The following SRPK2 variants were observed in gnomAD, a reference collection of about 807,000 sequenced individuals.
SRPK2 encodes SRSF protein kinase 2, also known as SFRS protein kinase 2.
Under a neutral mutation model 90.8 loss-of-function variants are expected in SRPK2, and 21 were observed. The observed-to-expected ratio is 0.23, with a 90% CI of 0.16 to 0.33. The LOEUF is 0.33. Ranked by LOEUF, SRPK2 falls within the 10% of genes least tolerant of loss-of-function variation. SRPK2 has a pLI of 1.00. For synonymous variants in SRPK2, 288 were observed against 311.1 expected, an observed-to-expected ratio of 0.93 and a Z score of 0.78; for missense variants, 620 against 869.0, an observed-to-expected ratio of 0.71 and a Z score of 3.60.
At chr7:105,304,148 T>C (rs765103598) in intron 2 of SRPK2, 45 of 152,324 alleles carry the variant, frequency 3.0e-4, no homozygotes, top group African/African-American at 9.9e-4. Flanking sequence ...CAAGAGTCAA[T>C]TGGACCCATT....
upstream of SRPK2, among the ~76,000 whole-genome samples, chr7:105,389,976 AT>A (rs1160743491): frequency 6.6e-6 from 1 of 152,214 alleles, no homozygotes; most frequent in African/African-American, 2.4e-5. Context: ...ATTCAAAAAA[AT>A]ATCAAACCCT....
intron 2 of SRPK2, among the ~76,000 whole-genome samples, chr7:105,214,924 G>A (rs561292621): frequency 5.9e-5 from 9 of 152,220 alleles, no homozygotes; most frequent in South Asian, 2.1e-4. Flanking sequence ...TGGGGGATTC[G>A]CACTTTCCAA....
At chr7:105,250,123 G>C (rs1473856178) in intron 2 of SRPK2, among the ~76,000 whole-genome samples, 1 of 152,134 alleles carries the variant, frequency 6.6e-6, no homozygotes, top group African/African-American at 2.4e-5. Flanking sequence ...CTAAGGTCAG[G>C]AGTCAAGACC....
At chr7:105,363,731 T>A (rs570480992) in intron 2 of SRPK2, among the ~76,000 whole-genome samples, 2 of 152,192 alleles carry the variant, frequency 1.3e-5, no homozygotes, top group South Asian at 4.2e-4. Flanking sequence ...CACATGCACA[T>A]GTATGTTTAT....
chr7:105,341,939 C>T (rs1019216834), intron 2 of SRPK2, among the ~76,000 whole-genome samples: 1 of 151,960 alleles, frequency 6.6e-6, no homozygotes, highest in Non-Finnish European at 1.5e-5. Context: ...TGCACTCCAG[C>T]CTGGCTGCCA....
intron 2 of SRPK2, among the ~76,000 whole-genome samples, chr7:105,243,567 G>A (rs1002770982): frequency 1.7e-4 from 26 of 149,414 alleles, no homozygotes; most frequent in African/African-American, 6.4e-4. Flanking sequence ...GGAGGTGGAG[G>A]CTGCAGTGAG....
intron 11 of SRPK2, among the ~76,000 whole-genome samples, chr7:105,138,451 AT>A (rs751151060): frequency 1.3e-5 from 2 of 152,210 alleles, no homozygotes; most frequent in Non-Finnish European, 2.9e-5. Flanking sequence ...GATCAGGAAA[AT>A]TTAAAAAGAA....
intron 6 of SRPK2, 109 bp downstream of exon 6, chr7:105,167,268 G>T: frequency 1.2e-6 from 1 of 831,910 alleles, no homozygotes. Flanking sequence ...AATGTTCCTA[G>T]AGTGTTTATG....
At chr7:105,298,507 GT>G (rs1810138564) in intron 2 of SRPK2, among the ~76,000 whole-genome samples, 1 of 152,170 alleles carries the variant, frequency 6.6e-6, no homozygotes, top group Non-Finnish European at 1.5e-5. Context: ...ATACCCAGGA[GT>G]AGGTCATATA....
chr7:105,329,758 G>A lies in SRPK2; in HGVS notation c.71+58890C>T, dbSNP rs1484787156. Among the ~76,000 whole-genome samples the A allele has an allele frequency of 5.9e-5, 9 of 152,044 alleles. 1 individual carries two copies. On this transcript the variant is annotated intron_variant, in intron 2 of 15. Coordinates refer to ENST00000393651, the MANE Select transcript of SRPK2 (RefSeq NM_182692.3). ...TCCGTGGCTTAAGAACACCCGGCAT[G>A]GTGGCTCATGCCTATAATCCCAGGA...
At chr7:105,204,650 G>C in intron 2 of SRPK2, 1 of 935,754 alleles carries the variant, frequency 1.1e-6, no homozygotes, top group South Asian at 1.4e-5. Context: ...CCCGACATGT[G>C]AGTGCCATTC....
At chr7:105,344,114 G>T (rs62484681) in intron 2 of SRPK2, among the ~76,000 whole-genome samples, 8,243 of 152,108 alleles carry the variant, frequency 0.054, 296 homozygotes, top group Middle Eastern at 0.11. Flanking sequence ...CCAGAGGTTA[G>T]CAAATGCTTT....
At chr7:105,210,569 G>A (rs1222858173) in intron 2 of SRPK2, among the ~76,000 whole-genome samples, 1 of 152,176 alleles carries the variant, frequency 6.6e-6, no homozygotes, top group Non-Finnish European at 1.5e-5. Flanking sequence ...CAAAAACTTT[G>A]TGTAAATCAA....
At chr7:105,325,571 A>G (rs1434288929) in intron 2 of SRPK2, among the ~76,000 whole-genome samples, 3 of 124,446 alleles carry the variant, frequency 2.4e-5, no homozygotes, top group Middle Eastern at 4.5e-3. Context: ...AAAAAAAAAA[A>G]GTTCAACTGG....
intron 11 of SRPK2, among the ~76,000 whole-genome samples, chr7:105,135,877 G>A (rs1485896949): frequency 6.6e-6 from 1 of 151,236 alleles, no homozygotes; most frequent in Non-Finnish European, 1.5e-5. Context: ...CAATTCTCCT[G>A]CCTCAGCCTC....
At chr7:105,335,453 A>C (rs1460698059) in intron 2 of SRPK2, among the ~76,000 whole-genome samples, 3 of 151,936 alleles carry the variant, frequency 2.0e-5, no homozygotes, top group Non-Finnish European at 4.4e-5. Context: ...TGAGCCTAGG[A>C]GTTCCAGACC....
In SRPK2 at chr7:105,170,893, AAG is replaced by A. The variant is rs1479879052; in HGVS notation, c.230-1630_230-1629del. Among the ~76,000 whole-genome samples, 186 of 122,554 alleles carry A rather than the reference AAG, an allele frequency of 1.5e-3. 3 individuals are homozygous for A. The highest frequency in any genetic ancestry group is 3.9e-3 in the Middle Eastern group (1 of 256). 80.4% of individuals were successfully genotyped at this position (122,554 alleles called of 152,430 possible). ...AAAGAAAGAAAGAAAGAAAGAAAGA[AAG>A]AAAGAAAGAAAGAAAGAAAGGAGAA... On this transcript the variant is annotated intron_variant, in intron 3 of 15. Transcript: ENST00000393651.
chr7:105,282,317 G>C (rs1256092381), intron 2 of SRPK2, among the ~76,000 whole-genome samples: 1 of 152,130 alleles, frequency 6.6e-6, no homozygotes, highest in East Asian at 1.9e-4. Flanking sequence ...ACAAAAATCA[G>C]TTCAAAATGG....
chr7:105,127,358 T>G (rs879541370), intron 13 of SRPK2, among the ~76,000 whole-genome samples: 8 of 152,184 alleles, frequency 5.3e-5, no homozygotes, highest in Non-Finnish European at 7.3e-5. Flanking sequence ...CAGAGCGCGG[T>G]ATGCACTCTA....
Sources: gnomAD v4.1 joint callset for allele counts (sites outside exome capture counted in the v4.1 genomes callset) on GRCh38, gnomAD v4.1.1 for gene constraint, MANE v1.5 for transcripts, NCBI Gene and HGNC (gene_info 2026-07-23, HGNC 2026-07-21) for gene names.